AKAP6: variants seen among roughly 807,000 people sequenced by gnomAD.
AKAP6 encodes A-kinase anchoring protein 6.
A neutral mutation model predicts 188.5 loss-of-function variants in AKAP6; 58 were observed. The ratio of observed to expected loss-of-function variants is 0.31; its 90% CI spans 0.25 to 0.38. The LOEUF (loss-of-function observed/expected upper bound fraction) is 0.38. Among genes scored for constraint, AKAP6 ranks in the 10% least tolerant of loss-of-function variants. The pLI is 1.00. For synonymous variants in AKAP6, 989 were observed against 998.6 expected (o/e 0.99, Z 0.18); for missense variants, 2,710 against 2,740.0 (o/e 0.99, Z 0.24).
intron 4 of AKAP6, among the ~76,000 whole-genome samples, chr14:32,548,565 GATA>G (rs1883309194): frequency 1.3e-5 from 2 of 151,824 alleles, no homozygotes; most frequent in Non-Finnish European, 2.9e-5. Flanking sequence ...TAGATAGATA[GATA>G]GATAGATAGA....
chr14:32,508,761 A>G (rs987997606), intron 2 of AKAP6, among the ~76,000 whole-genome samples: 5 of 152,200 alleles, frequency 3.3e-5, no homozygotes, highest in Admixed American at 2.6e-4. Flanking sequence ...ATACCATTTT[A>G]TATGAATAAT....
chr14:32,426,117 T>C (rs933352859), intron 1 of AKAP6, among the ~76,000 whole-genome samples: 3 of 152,284 alleles, frequency 2.0e-5, no homozygotes, highest in Admixed American at 2.0e-4. Flanking sequence ...CAGACCCATT[T>C]TTATAAGCCA....
chr14:32,695,902 A>G, intron 8 of AKAP6, 88 bp from the exon 9 acceptor site: 1 of 1,431,060 alleles, frequency 7.0e-7, no homozygotes, highest in Admixed American at 2.7e-5. Context: ...TAGAAACATC[A>G]TGGGTTTTCA....
In AKAP6 at chr14:32,341,137, C is replaced by T. The variant is rs148988349; in HGVS notation, c.-35+11729C>T. 4.5e-3 allele frequency among the ~76,000 whole-genome samples: 688 copies of T among 152,338 alleles called. 4 individuals are homozygous for T. Among genetic ancestry groups the T allele is most frequent in the Middle Eastern group, 0.017 (5 of 294 alleles). ...CTTAAACTAACAAGCTATTATCTTT[C>T]ACAAGAAAATTTTTTTAGAGTTTCC... is the stretch of plus-strand genomic sequence containing the variant. On this transcript the variant is annotated intron_variant, in intron 1 of 13. Coordinates refer to ENST00000280979, the MANE Select transcript of AKAP6 (RefSeq NM_004274.5).
At chr14:32,518,162 A>G (rs1881620526) in intron 2 of AKAP6, among the ~76,000 whole-genome samples, 1 of 152,126 alleles carries the variant, frequency 6.6e-6, no homozygotes, top group Admixed American at 6.6e-5. Context: ...AACAAACAGA[A>G]AGGACATCTA....
At chr14:32,537,793 A>G (rs1882753491) in intron 3 of AKAP6, among the ~76,000 whole-genome samples, 1 of 152,238 alleles carries the variant, frequency 6.6e-6, no homozygotes, top group Admixed American at 6.5e-5. Flanking sequence ...GAATACATTC[A>G]TCATACACTT....
At chr14:32,709,078 T>A (rs1594869343) in intron 9 of AKAP6, among the ~76,000 whole-genome samples, 2 of 152,082 alleles carry the variant, frequency 1.3e-5, no homozygotes, top group African/African-American at 4.8e-5. Context: ...TTGGCTAGCA[T>A]CTTATAATCC....
At chr14:32,651,050 TG>T (rs1566626080) in intron 7 of AKAP6, among the ~76,000 whole-genome samples, 1 of 152,156 alleles carries the variant, frequency 6.6e-6, no homozygotes, top group Non-Finnish European at 1.5e-5. Flanking sequence ...AACTAGAGAT[TG>T]TGTTGCAAGA....
chr14:32,361,344 G>A (rs1024769149), intron 1 of AKAP6, among the ~76,000 whole-genome samples: 1 of 151,980 alleles, frequency 6.6e-6, no homozygotes, highest in Admixed American at 6.6e-5. Flanking sequence ...AGGAGGAGAG[G>A]GAATAGACTA....
chr14:32,667,220 C>T (rs796140661), intron 7 of AKAP6, among the ~76,000 whole-genome samples: 1 of 152,048 alleles, frequency 6.6e-6, no homozygotes, highest in Non-Finnish European at 1.5e-5. Context: ...TCAATTTAGG[C>T]TCAGCTGAAT....
At chr14:32,368,814 A>C (rs923759906) in intron 1 of AKAP6, among the ~76,000 whole-genome samples, 6 of 151,874 alleles carry the variant, frequency 4.0e-5, no homozygotes, top group Admixed American at 2.6e-4. Context: ...ATCAAATAAG[A>C]CCAAAATAAG....
intron 1 of AKAP6, among the ~76,000 whole-genome samples, chr14:32,384,868 G>C (rs1166989475): frequency 6.6e-6 from 1 of 152,100 alleles, no homozygotes; most frequent in Non-Finnish European, 1.5e-5. Context: ...AATGGGGTCT[G>C]TTAGGGTGGG....
At chr14:32,334,018 T>C (rs1170884046) in intron 1 of AKAP6, among the ~76,000 whole-genome samples, 1 of 152,170 alleles carries the variant, frequency 6.6e-6, no homozygotes, top group East Asian at 1.9e-4. Flanking sequence ...ATCGCCCTAG[T>C]GTGCCTTACA....
intron 12 of AKAP6, among the ~76,000 whole-genome samples, chr14:32,815,576 C>G (rs918177437): frequency 2.6e-5 from 4 of 152,178 alleles, no homozygotes; most frequent in African/African-American, 9.7e-5. Context: ...TGTATCACCT[C>G]ATTTACAGTG....
rs1479049528 is a variant in AKAP6, at chr14:32,349,997, T to C, written c.-35+20589T>C. Among the ~76,000 whole-genome samples, 5 of 152,230 alleles carry C rather than the reference T, an allele frequency of 3.3e-5. No homozygotes were observed. In the East Asian group the frequency reaches 9.7e-4, roughly 29 times the overall value. ...AAAATATAAAATAAATATACATGAG[T>C]GTATACTAATATAAATGAATAATTG... On this transcript the variant is annotated intron_variant, in intron 1 of 13. Coordinates refer to ENST00000280979, the MANE Select transcript of AKAP6 (RefSeq NM_004274.5).
intron 2 of AKAP6, among the ~76,000 whole-genome samples, chr14:32,464,531 G>T (rs1302899595): frequency 5.3e-5 from 8 of 152,160 alleles, no homozygotes; most frequent in African/African-American, 1.7e-4. Context: ...AAAGGCCTTT[G>T]ATAAAATTCA....
intron 5 of AKAP6, 60 bp downstream of exon 5, chr14:32,577,302 T>A: frequency 6.4e-7 from 1 of 1,567,124 alleles, no homozygotes; most frequent in East Asian, 2.3e-5. Context: ...GTACTGCTTG[T>A]TTGTTTATGA....
At chr14:32,651,724 C>T (rs1233246010) in intron 7 of AKAP6, among the ~76,000 whole-genome samples, 1 of 152,162 alleles carries the variant, frequency 6.6e-6, no homozygotes, top group East Asian at 1.9e-4. Flanking sequence ...TCCCTAAGGC[C>T]ACACTTCTTA....
At chr14:32,596,000 C>T (rs902191489) in intron 5 of AKAP6, among the ~76,000 whole-genome samples, 13 of 152,056 alleles carry the variant, frequency 8.5e-5, no homozygotes, top group African/African-American at 3.1e-4. Flanking sequence ...AAAAATTAGA[C>T]CAGAAAAGAC....
Sources: gnomAD v4.1 joint callset for allele counts (sites outside exome capture counted in the v4.1 genomes callset) on GRCh38, gnomAD v4.1.1 for gene constraint, MANE v1.5 for transcripts, NCBI Gene and HGNC (gene_info 2026-07-23, HGNC 2026-07-21) for gene names.